GRIN2A: variants seen among roughly 807,000 people sequenced by gnomAD.
GRIN2A encodes glutamate ionotropic receptor NMDA type subunit 2A, also known as glutamate receptor ionotropic, NMDA 2A.
In GRIN2A, 22 loss-of-function variants were observed where a neutral mutation model predicts 113.4. The observed-to-expected ratio is 0.19, with a 90% CI of 0.14 to 0.28. The LOEUF (loss-of-function observed/expected upper bound fraction) is 0.28, where lower values mean the gene tolerates loss of function less well. GRIN2A is among the 10% of genes least tolerant of loss of function. GRIN2A has a pLI of 1.00. For synonymous variants in GRIN2A, 827 were observed against 738.4 expected, an observed-to-expected ratio of 1.12 and a Z score of -1.94; for missense variants, 1,502 against 1,887.0, an observed-to-expected ratio of 0.80 and a Z score of 3.78.
intron 2 of GRIN2A, among the ~76,000 whole-genome samples, chr16:10,106,202 T>C (rs2048498039): frequency 6.8e-6 from 1 of 146,460 alleles, no homozygotes; most frequent in Non-Finnish European, 1.5e-5. Flanking sequence ...TTTTTTTTGT[T>C]TGGGGAAGTG....
chr16:10,176,864 A>G (rs1020557762), intron 2 of GRIN2A, among the ~76,000 whole-genome samples: 110 of 152,336 alleles, frequency 7.2e-4, no homozygotes, highest in African/African-American at 2.6e-3. Context: ...ATAAAAATAA[A>G]AAAAGTTAAA....
chr16:10,042,588 T>C (rs2047184815), intron 2 of GRIN2A, among the ~76,000 whole-genome samples: 1 of 152,178 alleles, frequency 6.6e-6, no homozygotes, highest in African/African-American at 2.4e-5. Context: ...ACATAATCAG[T>C]AAGATAATAA....
At chr16:10,023,964 A>G (rs1035183458) in intron 2 of GRIN2A, among the ~76,000 whole-genome samples, 3 of 152,214 alleles carry the variant, frequency 2.0e-5, no homozygotes, top group Non-Finnish European at 2.9e-5. Flanking sequence ...ATAAACTGTC[A>G]TTGTGCCTCT....
intron 3 of GRIN2A, among the ~76,000 whole-genome samples, chr16:9,916,875 A>T (rs930177054): frequency 6.6e-6 from 1 of 152,198 alleles, no homozygotes; most frequent in African/African-American, 2.4e-5. Flanking sequence ...GGAAGTGATG[A>T]GCATCCTTTT....
chr16:10,155,680 T>C lies in GRIN2A; in HGVS notation c.414+24318A>G, dbSNP rs567619212. 3.9e-5 allele frequency among the ~76,000 whole-genome samples: 6 copies of C among 152,238 alleles called. No homozygotes were observed. In the South Asian group the frequency reaches 1.2e-3, roughly 32 times the overall value. On this transcript the variant is annotated intron_variant, in intron 2 of 12. Coordinates refer to ENST00000330684, the MANE Select transcript of GRIN2A (RefSeq NM_001134407.3). ...TAACTTATAAGGGAAAGAGGTTTAA[T>C]GGACTCACAGTTCCACATGGCTGGG...
intron 3 of GRIN2A, among the ~76,000 whole-genome samples, chr16:9,922,606 C>G (rs986825298): frequency 2.0e-5 from 3 of 152,176 alleles, no homozygotes; most frequent in African/African-American, 7.2e-5. Context: ...AGCAACTAAC[C>G]AAGCAAAGAG....
At chr16:9,966,036 T>G (rs2045550842) in intron 2 of GRIN2A, among the ~76,000 whole-genome samples, 1 of 152,218 alleles carries the variant, frequency 6.6e-6, no homozygotes, top group Non-Finnish European at 1.5e-5. Flanking sequence ...AATCTGAATT[T>G]TAACTAGTTT....
At chr16:9,947,146 T>C (rs902468763) in intron 2 of GRIN2A, among the ~76,000 whole-genome samples, 7 of 152,182 alleles carry the variant, frequency 4.6e-5, no homozygotes, top group Non-Finnish European at 7.4e-5. Context: ...CTTACCATTC[T>C]TCTCTTTTTC....
chr16:9,841,247 T>A, intron 5 of GRIN2A, 143 bp from the exon 6 acceptor site: 1 of 727,840 alleles, frequency 1.4e-6, no homozygotes, highest in South Asian at 1.5e-5. Context: ...ACACTGTGAG[T>A]ACATGACAGC....
chr16:10,099,101 G>A (rs989558597), intron 2 of GRIN2A, among the ~76,000 whole-genome samples: 2 of 152,164 alleles, frequency 1.3e-5, no homozygotes, highest in Admixed American at 1.3e-4. Flanking sequence ...TCACAGCAAA[G>A]AAATTTCTAA....
intron 2 of GRIN2A, among the ~76,000 whole-genome samples, chr16:9,996,212 CAG>C (rs998817654): frequency 4.6e-5 from 7 of 152,054 alleles, no homozygotes; most frequent in Admixed American, 3.3e-4. Flanking sequence ...AAGAAAATGA[CAG>C]AGTTACGTAG....
intron 2 of GRIN2A, among the ~76,000 whole-genome samples, chr16:10,090,274 C>A (rs1242921898): frequency 6.6e-6 from 1 of 151,990 alleles, no homozygotes; most frequent in East Asian, 1.9e-4. Flanking sequence ...GAAGGACTTA[C>A]ATTACCCTCA....
At chr16:10,136,036 G>A (rs2049184402) in intron 2 of GRIN2A, among the ~76,000 whole-genome samples, 1 of 152,134 alleles carries the variant, frequency 6.6e-6, no homozygotes, top group South Asian at 2.1e-4. Flanking sequence ...CCAAGGTCCA[G>A]ATAAGCACAT....
At chr16:9,950,639 T>A (rs1267949388) in intron 2 of GRIN2A, among the ~76,000 whole-genome samples, 1 of 152,308 alleles carries the variant, frequency 6.6e-6, no homozygotes, top group East Asian at 1.9e-4. Flanking sequence ...TATAATTGCT[T>A]TGCAGGAGCA....
chr16:10,053,421 C>A (rs1377583889), intron 2 of GRIN2A, among the ~76,000 whole-genome samples: 5 of 152,214 alleles, frequency 3.3e-5, no homozygotes, highest in Non-Finnish European at 7.3e-5. Context: ...TACCCAAAGT[C>A]AGCCAGCTAG....
At chr16:9,792,772 A>G (rs984501714) in intron 11 of GRIN2A, among the ~76,000 whole-genome samples, 4 of 152,230 alleles carry the variant, frequency 2.6e-5, no homozygotes, top group African/African-American at 9.6e-5. Flanking sequence ...AATACAAAGA[A>G]GAAGATTAAA....
intron 10 of GRIN2A, among the ~76,000 whole-genome samples, chr16:9,807,746 G>C (rs563004842): frequency 3.9e-5 from 6 of 152,130 alleles, no homozygotes; most frequent in African/African-American, 1.4e-4. Context: ...CACCATTGCC[G>C]GGCTCCCCCA....
intron 2 of GRIN2A, among the ~76,000 whole-genome samples, chr16:10,170,314 A>G (rs2050016375): frequency 1.3e-5 from 2 of 152,210 alleles, no homozygotes; most frequent in Non-Finnish European, 2.9e-5. Flanking sequence ...TTTCTGCAAT[A>G]GTGAAAATTC....
At chr16:9,771,333 T>A (rs561681260) in intron 11 of GRIN2A, among the ~76,000 whole-genome samples, 6 of 152,218 alleles carry the variant, frequency 3.9e-5, no homozygotes, top group Admixed American at 1.3e-4. Flanking sequence ...CCAATAGATG[T>A]ATTTTCCCGT....
Sources: gnomAD v4.1 joint callset for allele counts (sites outside exome capture counted in the v4.1 genomes callset) on GRCh38, gnomAD v4.1.1 for gene constraint, MANE v1.5 for transcripts, NCBI Gene and HGNC (gene_info 2026-07-23, HGNC 2026-07-21) for gene names.